ATF7IP2: variants seen among roughly 807,000 people sequenced by gnomAD.
ATF7IP2 encodes activating transcription factor 7-interacting protein 2.
ATF7IP2 carries 42 observed loss-of-function variants against 64.2 expected under a neutral mutation model. The ratio of observed to expected loss-of-function variants is 0.65; its 90% CI spans 0.51 to 0.85. The LOEUF is 0.85. Among genes scored for constraint, ATF7IP2 ranks in the 40% least tolerant of loss-of-function variants. ATF7IP2 has a pLI of 0.00. For synonymous variants in ATF7IP2, 308 were observed against 272.8 expected (o/e 1.13, Z -1.27); for missense variants, 933 against 784.2 (o/e 1.19, Z -2.27).
chr16:10,387,988 C>T (rs2047237760), intron 1 of ATF7IP2, among the ~76,000 whole-genome samples: 1 of 152,052 alleles, frequency 6.6e-6, no homozygotes, highest in Non-Finnish European at 1.5e-5. Flanking sequence ...CTGCAACCTC[C>T]TCCCTCCGGG....
At chr16:10,440,583 T>G in intron 8 of ATF7IP2, 121 bp downstream of exon 8, 1 of 603,858 alleles carries the variant, frequency 1.7e-6, no homozygotes, top group Non-Finnish European at 2.8e-6. Context: ...AGTTTTTACT[T>G]AGAGTGTTCC....
intron 1 of ATF7IP2, among the ~76,000 whole-genome samples, chr16:10,402,560 C>T (rs1416759782): frequency 6.6e-6 from 1 of 151,990 alleles, no homozygotes; most frequent in African/African-American, 2.4e-5. Context: ...ACCTCCTGGG[C>T]TCAAGCGATT....
intron 1 of ATF7IP2, among the ~76,000 whole-genome samples, chr16:10,392,144 C>G (rs1417225804): frequency 6.6e-6 from 1 of 151,094 alleles, no homozygotes. Context: ...ACCCCCACCC[C>G]CCAGGTTCAA....
chr16:10,410,245 C>G (rs533565830), intron 1 of ATF7IP2, among the ~76,000 whole-genome samples: 2 of 152,186 alleles, frequency 1.3e-5, no homozygotes, highest in African/African-American at 2.4e-5. Flanking sequence ...TCTGTGATTT[C>G]TATCAGCAGT....
At chr16:10,460,320 A>T (rs2049332670) in intron 9 of ATF7IP2, among the ~76,000 whole-genome samples, 1 of 152,194 alleles carries the variant, frequency 6.6e-6, no homozygotes, top group East Asian at 1.9e-4. Context: ...TATTATATTT[A>T]TAGAGTACAA....
chr16:10,393,966 C>T (rs1194731165), intron 1 of ATF7IP2, among the ~76,000 whole-genome samples: 1 of 152,102 alleles, frequency 6.6e-6, no homozygotes, highest in Non-Finnish European at 1.5e-5. Context: ...CACTTGAGCC[C>T]AGGAGTTCAA....
At chr16:10,477,011 A>G (rs546352969) in intron 12 of ATF7IP2, among the ~76,000 whole-genome samples, 2 of 152,356 alleles carry the variant, frequency 1.3e-5, no homozygotes, top group East Asian at 1.9e-4. Context: ...CTTTGGGTAA[A>G]TACCCAGTAA....
intron 12 of ATF7IP2, among the ~76,000 whole-genome samples, chr16:10,474,912 T>C (rs1304148106): frequency 6.6e-6 from 1 of 152,054 alleles, no homozygotes; most frequent in Non-Finnish European, 1.5e-5. Context: ...ATCTAGAAAA[T>C]ATGGCTTTCA....
chr16:10,426,360 A>C (rs2048085703), intron 3 of ATF7IP2, among the ~76,000 whole-genome samples: 2 of 152,200 alleles, frequency 1.3e-5, no homozygotes, highest in South Asian at 4.1e-4. Context: ...ATGATAGGCA[A>C]ACTATATAGT....
At chr16:10,404,475 C>T (rs554426987) in intron 1 of ATF7IP2, among the ~76,000 whole-genome samples, 1 of 152,238 alleles carries the variant, frequency 6.6e-6, no homozygotes, top group South Asian at 2.1e-4. Flanking sequence ...GAACTCCTGA[C>T]TTTATAAATG....
intron 1 of ATF7IP2, among the ~76,000 whole-genome samples, chr16:10,412,165 T>C (rs1324923434): frequency 6.6e-6 from 1 of 151,772 alleles, no homozygotes. Context: ...TTTTTTTGTT[T>C]CAATTTCATT....
At chr16:10,402,768 T>G (rs1260597041) in intron 1 of ATF7IP2, among the ~76,000 whole-genome samples, 1 of 152,056 alleles carries the variant, frequency 6.6e-6, no homozygotes, top group African/African-American at 2.4e-5. Flanking sequence ...CTGGCCTGAT[T>G]TTGGTTTTTT....
Position 10,461,087 on chromosome 16 carries a change from A to C in ATF7IP2, c.1352+3558A>C, listed in dbSNP as rs1169800309. 2.0e-5 allele frequency among the ~76,000 whole-genome samples: 3 copies of C among 152,322 alleles called. No individual in the cohort carries two copies. The East Asian group carries it at 5.8e-4, about 29-fold the overall frequency. On this transcript the variant is annotated intron_variant, in intron 9 of 13. Transcript: ENST00000562102. ...GTTCGAAATGGCCAATATACATATG[A>C]AAAGGTGTTTATCTTCATTAGTAAT...
chr16:10,441,543 A>G (rs1310118255), intron 8 of ATF7IP2, among the ~76,000 whole-genome samples: 2 of 152,168 alleles, frequency 1.3e-5, no homozygotes, highest in Non-Finnish European at 2.9e-5. Context: ...GGCTGCATAA[A>G]TGTCTTCTTT....
At chr16:10,429,836 T>C (rs920333996) in intron 4 of ATF7IP2, among the ~76,000 whole-genome samples, 12 of 149,674 alleles carry the variant, frequency 8.0e-5, no homozygotes, top group African/African-American at 2.9e-4. Flanking sequence ...TATTTTGTTT[T>C]ATTTTATTTT....
intron 3 of ATF7IP2, among the ~76,000 whole-genome samples, chr16:10,422,403 G>A (rs2048003959): frequency 6.6e-6 from 1 of 152,078 alleles, no homozygotes; most frequent in African/African-American, 2.4e-5. Flanking sequence ...TGACTTTGAG[G>A]GCTGTATAAT....
chr16:10,479,038 T>A (rs1434899316), intron 12 of ATF7IP2, among the ~76,000 whole-genome samples: 2 of 151,016 alleles, frequency 1.3e-5, no homozygotes, highest in Non-Finnish European at 2.9e-5. Context: ...TAGGAACACT[T>A]TTACACTGTT....
intron 9 of ATF7IP2, among the ~76,000 whole-genome samples, chr16:10,467,176 G>GGTTACCATCT (rs2049606116): frequency 6.6e-6 from 1 of 152,028 alleles, no homozygotes; most frequent in South Asian, 2.1e-4. Flanking sequence ...AGCCTACCAT[G>GGTTACCATCT]GTTACCATCT....
At chr16:10,409,119 G>T (rs1482544345) in intron 1 of ATF7IP2, among the ~76,000 whole-genome samples, 1 of 152,144 alleles carries the variant, frequency 6.6e-6, no homozygotes, top group Non-Finnish European at 1.5e-5. Context: ...ATGGGCGGGG[G>T]GTAGGCGGGT....
Sources: allele counts gnomAD v4.1 joint callset (sites outside exome capture counted in the v4.1 genomes callset), GRCh38; gene constraint gnomAD v4.1.1; transcripts MANE v1.5; gene names NCBI Gene and HGNC (gene_info 2026-07-23, HGNC 2026-07-21).